KDM3B: variants seen among roughly 807,000 people sequenced by gnomAD.
KDM3B encodes lysine demethylase 3B, also known as lysine-specific demethylase 3B.
KDM3B carries 10 observed loss-of-function variants against 170.0 expected under a neutral mutation model. That is an observed-to-expected ratio of 0.06 (90% CI 0.04 to 0.10). KDM3B has a LOEUF of 0.10. Ranked by LOEUF, KDM3B falls within the 10% of genes least tolerant of loss-of-function variation. The pLI is 1.00. For missense variants in KDM3B, 1,394 were observed against 2,195.2 expected, an observed-to-expected ratio of 0.64 and a Z score of 7.29; for synonymous variants, 831 against 834.8, an observed-to-expected ratio of 1.00 and a Z score of 0.08.
chr5:138,431,119 T>G (rs1483633516), intron 22 of KDM3B, among the ~76,000 whole-genome samples: 1 of 151,368 alleles, frequency 6.6e-6, no homozygotes, highest in African/African-American at 2.4e-5. Context: ...TCTTTTTTTT[T>G]GTTTTTTTGG....
chr5:138,378,958 A>T (rs1762063855), intron 4 of KDM3B, among the ~76,000 whole-genome samples: 1 of 152,016 alleles, frequency 6.6e-6, no homozygotes, highest in Non-Finnish European at 1.5e-5. Flanking sequence ...TCCTTAGAGG[A>T]TAGCTTAAAT....
At chr5:138,365,302 C>T (rs2126913963) in intron 1 of KDM3B, among the ~76,000 whole-genome samples, 1 of 152,062 alleles carries the variant, frequency 6.6e-6, no homozygotes, top group South Asian at 2.1e-4. Context: ...CTCTTGTCTC[C>T]CAGCCTGGAG....
intron 11 of KDM3B, among the ~76,000 whole-genome samples, chr5:138,409,655 T>A (rs1762910117): frequency 1.3e-5 from 2 of 152,198 alleles, no homozygotes; most frequent in South Asian, 2.1e-4. Flanking sequence ...TGGTGGCTCA[T>A]GTCTGTAATC....
At chr5:138,433,334 G>A (rs988851795) in intron 23 of KDM3B, among the ~76,000 whole-genome samples, 3 of 149,928 alleles carry the variant, frequency 2.0e-5, no homozygotes, top group African/African-American at 7.4e-5. Flanking sequence ...GGCAGGTCTT[G>A]AACTCCTGAC....
intron 1 of KDM3B, among the ~76,000 whole-genome samples, chr5:138,355,416 C>T (rs960070861): frequency 2.0e-5 from 3 of 152,088 alleles, no homozygotes; most frequent in Non-Finnish European, 2.9e-5. Context: ...GTAACAAAGC[C>T]AAGTGCTACC....
intron 20 of KDM3B, among the ~76,000 whole-genome samples, chr5:138,428,940 CT>C (rs397884825): frequency 0.33 from 33,272 of 101,600 alleles, 4,484 homozygotes; most frequent in East Asian, 0.59. Flanking sequence ...GGGATAATTT[CT>C]TTTTTTTTTT....
At chr5:138,427,909 G>T in intron 19 of KDM3B, 58 bp from the exon 20 acceptor site, 1 of 1,544,574 alleles carries the variant, frequency 6.5e-7, no homozygotes, top group South Asian at 1.2e-5. Flanking sequence ...ATGTAGTGTC[G>T]ACGTGGATTC....
At position 138,388,628 on chromosome 5, in the gene KDM3B, G is replaced by A. The variant is rs376681912; in HGVS notation, c.1380+2007G>A. Among the ~76,000 whole-genome samples, 71 of 139,384 alleles carry A rather than the reference G, an allele frequency of 5.1e-4. 1 individual carries two copies. The East Asian group carries it at 0.015, about 30-fold the overall frequency. 91.4% of individuals were successfully genotyped at this position (139,384 alleles called of 152,430 possible). On this transcript the variant is annotated intron_variant, in intron 7 of 23. Transcript: ENST00000314358. ...TGCACTCCAGCCTGGGCAACAGAGC[G>A]AGACTCCGTCTTTAAAAAAAAAAAA...
At chr5:138,400,270 T>A (rs1029027079) in intron 11 of KDM3B, among the ~76,000 whole-genome samples, 1 of 152,118 alleles carries the variant, frequency 6.6e-6, no homozygotes, top group Non-Finnish European at 1.5e-5. Context: ...ATTCTCGCTC[T>A]GTTGCCCAGG....
Position 138,352,794 on chromosome 5 carries a change from C to G in KDM3B, c.-2C>G. The G allele has an allele frequency of 7.8e-7, 1 of 1,282,898 alleles. No individual in the cohort carries two copies. Among genetic ancestry groups the G allele is most frequent in the Non-Finnish European group, 9.9e-7 (1 of 1,015,090 alleles). 79.5% of individuals were successfully genotyped at this position (1,282,898 alleles called of 1,614,324 possible). A position where few individuals can be genotyped will look rare whatever the true frequency, so the allele number is the denominator to read the frequency against. Reference sequence around the variant, plus strand: ...GGAGCGCGGGTCAGGCCGGCCCCGGCGATGGCGGACGCGGCGGCCTCCCCG... The same window carrying G: ...GGAGCGCGGGTCAGGCCGGCCCCGGGGATGGCGGACGCGGCGGCCTCCCCG... On this transcript the variant is annotated 5_prime_UTR_variant, in exon 1 of 24. Transcript: ENST00000314358.
chr5:138,394,036 A>C (rs1349950339), intron 9 of KDM3B, among the ~76,000 whole-genome samples: 1 of 152,156 alleles, frequency 6.6e-6, no homozygotes, highest in Non-Finnish European at 1.5e-5. Context: ...AATATTCAGC[A>C]GTGAACAACA....
chr5:138,408,949 AT>A (rs1412856648), intron 11 of KDM3B, among the ~76,000 whole-genome samples: 40 of 152,234 alleles, frequency 2.6e-4, no homozygotes, highest in Admixed American at 1.4e-3. Flanking sequence ...ATAAACAGAT[AT>A]ACAGTATATC....
intron 19 of KDM3B, 96 bp downstream of exon 19, chr5:138,427,415 A>T (rs1184132373): frequency 1.2e-5 from 16 of 1,376,606 alleles, no homozygotes; most frequent in Non-Finnish European, 1.6e-5. Context: ...TATAGAGATG[A>T]TTGCAGGCAA....
intron 17 of KDM3B, 112 bp downstream of exon 17, chr5:138,425,694 A>C (rs1002132916): frequency 4.1e-6 from 4 of 974,190 alleles, no homozygotes; most frequent in Non-Finnish European, 6.0e-6. Flanking sequence ...TGGGACTTGA[A>C]AAAATAAATG....
chr5:138,360,647 C>A (rs1761583776), intron 1 of KDM3B, among the ~76,000 whole-genome samples: 1 of 147,016 alleles, frequency 6.8e-6, no homozygotes, highest in African/African-American at 2.5e-5. Flanking sequence ...TGTCGGCTTG[C>A]TGCAACCTCC....
chr5:138,397,423 G>A (rs1055726068), intron 9 of KDM3B, among the ~76,000 whole-genome samples: 1 of 152,160 alleles, frequency 6.6e-6, no homozygotes, highest in Non-Finnish European at 1.5e-5. Flanking sequence ...TGGCAGGATT[G>A]TTTGAGCCCA....
intron 13 of KDM3B, chr5:138,418,101 A>ATT (rs1371206928): frequency 8.5e-6 from 1 of 117,116 alleles, no homozygotes; most frequent in African/African-American, 3.2e-5. Flanking sequence ...TTTTTTTCAG[A>ATT]CAGAGTCTTG....
chr5:138,379,693 G>A lies in KDM3B; in HGVS notation c.690G>A (p.Glu230=). 2 of 1,613,536 alleles carry A rather than the reference G, an allele frequency of 1.2e-6. No individual in the cohort carries two copies. The highest frequency in any genetic ancestry group is 1.1e-5 in the South Asian group (1 of 90,942). Reference sequence around the variant, plus strand: ...AGGACTCCATCACTCGTCTTATGGAGGTGTCTGTAACTGAGGTGAGACTCT... The same window carrying A: ...AGGACTCCATCACTCGTCTTATGGAAGTGTCTGTAACTGAGGTGAGACTCT... ...SHQDSITRLM[E]VSVTESGEIK... is the part of the protein sequence containing the mutation. The change falls in exon 5 of 24, where the codon GAG becomes GAA. Residue 230 remains glutamate (E), a synonymous_variant. Transcript: ENST00000314358.
At chr5:138,376,650 G>T (rs1428753792) in intron 3 of KDM3B, among the ~76,000 whole-genome samples, 14 of 151,394 alleles carry the variant, frequency 9.2e-5, no homozygotes, top group Admixed American at 9.2e-4. Flanking sequence ...CTTGCAGTGA[G>T]CCAGGATCGT....
Sources: gnomAD v4.1 joint callset for allele counts (sites outside exome capture counted in the v4.1 genomes callset) on GRCh38, gnomAD v4.1.1 for gene constraint, MANE v1.5 for transcripts, NCBI Gene and HGNC (gene_info 2026-07-23, HGNC 2026-07-21) for gene names.